The following ZNF529 variants were observed in gnomAD, a reference collection of about 807,000 sequenced individuals.
ZNF529 encodes the protein zinc finger protein 529.
A neutral mutation model predicts 10.1 loss-of-function variants in ZNF529; 11 were observed. That is an observed-to-expected ratio of 1.09 (90% CI 0.69 to 1.81). The LOEUF is 1.81. ZNF529 is among the 40% of genes most tolerant of loss of function. The probability of loss-of-function intolerance (pLI) is 0.00; values close to 1 mark genes in which losing one functional copy is unlikely to be tolerated. For synonymous variants in ZNF529, 204 were observed against 215.7 expected (o/e 0.95, Z 0.47); for missense variants, 624 against 666.8 (o/e 0.94, Z 0.71).
chr19:36,583,054 T>C (rs1354906044), intron 2 of ZNF529, among the ~76,000 whole-genome samples: 1 of 132,436 alleles, frequency 7.6e-6, no homozygotes, highest in Non-Finnish European at 1.7e-5. Flanking sequence ...AGTCTGTATC[T>C]AATTGTTTGT....
At position 36,572,934 on chromosome 19, in the gene ZNF529, CA is replaced by C. The variant is rs548238490; in HGVS notation, c.-47+205del. ...GAACAAACAAACAAACAAAAAAAAACAAAAAAACACTTCTACCCCGTTCACA... is the reference window on the plus strand; with the variant it reads ...GAACAAACAAACAAACAAAAAAAAACAAAAAACACTTCTACCCCGTTCACA... On this transcript the variant is annotated intron_variant, in intron 1 of 4. Transcript: ENST00000591340. 6.3e-4 allele frequency: 96 copies of C among 153,230 alleles called. No homozygotes were observed. The East Asian group carries it at 0.016, about 26-fold the overall frequency. 9.5% of individuals were successfully genotyped at this position (153,230 alleles called of 1,614,324 possible).
upstream of ZNF529, chr19:36,577,323 G>T: frequency 3.0e-6 from 1 of 333,020 alleles, no homozygotes; most frequent in Non-Finnish European, 6.1e-6. Context: ...GGAAGAGGGA[G>T]GTCCTCCCAT....
At position 36,547,483 on chromosome 19, in the gene ZNF529, T is replaced by C. The variant is rs772040211; in HGVS notation, c.1075A>G (p.Ile359Val). The C allele has an allele frequency of 1.5e-5, 24 of 1,613,332 alleles. No homozygotes were observed. Among genetic ancestry groups the C allele is most frequent in the South Asian group, 1.2e-4 (11 of 91,060 alleles). Residue 359 changes from isoleucine (I) to valine (V), a missense_variant, in exon 5 of 5, where the codon ATT becomes GTT. Ile to Val is a conservative substitution (Grantham distance 29, BLOSUM62 3). Transcript: ENST00000591340. ...GCATAAGGTTTCTCACCAGTGTGAA[T>C]TCTCTGATGTTCAATGAGCTGTGAA... is the stretch of plus-strand genomic sequence containing the variant. ...ISSQLIEHQR[I>V]HTGEKPYACK...
chr19:36,577,038 G>A (rs1226319441), upstream of ZNF529: 1 of 332,234 alleles, frequency 3.0e-6, no homozygotes, highest in Non-Finnish European at 6.1e-6. Flanking sequence ...CTGCAGCCTC[G>A]ACCTCTTAGG....
Position 36,563,422 on chromosome 19 carries a change from CA to C in ZNF529, c.15-7226del, listed in dbSNP as rs34934234. ...TGGGCAACAGAATGAGATTGTGTCT[CA>C]AAAAAAAAAAAAAGTTGTCTATGGG... On this transcript the variant is annotated intron_variant, in intron 2 of 4. Transcript: ENST00000591340. Among the ~76,000 whole-genome samples, 976 of 129,556 alleles carry C rather than the reference CA, an allele frequency of 7.5e-3. 1 individual carries two copies. The highest frequency in any genetic ancestry group is 9.5e-3 in the Non-Finnish European group (570 of 59,820). 85.0% of individuals were successfully genotyped at this position (129,556 alleles called of 152,430 possible).
chr19:36,596,159 G>T (rs889698991), intron 1 of ZNF529, among the ~76,000 whole-genome samples: 2 of 144,022 alleles, frequency 1.4e-5, no homozygotes, highest in Admixed American at 7.4e-5. Flanking sequence ...TCTGCCTCCT[G>T]GGTTCAAGAA....
At chr19:36,563,551 T>G (rs562004074) in intron 2 of ZNF529, among the ~76,000 whole-genome samples, 1 of 152,136 alleles carries the variant, frequency 6.6e-6, no homozygotes, top group African/African-American at 2.4e-5. Flanking sequence ...CAATTGCCAC[T>G]AAAAGAATAA....
chr19:36,560,783 G>A (rs913949451), intron 2 of ZNF529, among the ~76,000 whole-genome samples: 2 of 152,144 alleles, frequency 1.3e-5, no homozygotes, highest in Non-Finnish European at 2.9e-5. Context: ...TCTGAAGTAA[G>A]ATATTTGGCA....
chr19:36,566,722 A>T (rs1217964830), intron 2 of ZNF529, among the ~76,000 whole-genome samples: 1 of 152,128 alleles, frequency 6.6e-6, no homozygotes. Flanking sequence ...TGTCTCAAAA[A>T]AATAATAAAA....
At chr19:36,549,433 G>GAA (rs1180516709) in intron 4 of ZNF529, among the ~76,000 whole-genome samples, 3 of 152,064 alleles carry the variant, frequency 2.0e-5, no homozygotes, top group African/African-American at 7.2e-5. Flanking sequence ...AAAAATAAAA[G>GAA]TATATATACA....
At chr19:36,587,634 A>ATTAC (rs1168626787) in intron 2 of ZNF529, among the ~76,000 whole-genome samples, 2 of 152,228 alleles carry the variant, frequency 1.3e-5, no homozygotes, top group African/African-American at 2.4e-5. Flanking sequence ...TGAATGGGTA[A>ATTAC]GCAAGATGTC....
intron 2 of ZNF529, among the ~76,000 whole-genome samples, chr19:36,585,308 A>G (rs929766188): frequency 7.2e-5 from 11 of 152,232 alleles, no homozygotes; most frequent in Admixed American, 3.9e-4. Context: ...TGATAGAGAA[A>G]TGAGCTGCCT....
intron 2 of ZNF529, among the ~76,000 whole-genome samples, chr19:36,558,519 G>A (rs2035564480): frequency 6.6e-6 from 1 of 152,024 alleles, no homozygotes; most frequent in African/African-American, 2.4e-5. Flanking sequence ...AGAAGGCAGT[G>A]GGATGATATA....
At chr19:36,552,515 T>C (rs575595407) in intron 4 of ZNF529, among the ~76,000 whole-genome samples, 79 of 152,274 alleles carry the variant, frequency 5.2e-4, no homozygotes, top group Non-Finnish European at 1.0e-3. Flanking sequence ...CCCAACAGAA[T>C]CACAGGGGCT....
At chr19:36,588,694 A>G (rs1029479854) in intron 2 of ZNF529, among the ~76,000 whole-genome samples, 8 of 152,206 alleles carry the variant, frequency 5.3e-5, no homozygotes, top group Admixed American at 2.6e-4. Flanking sequence ...AGATCCATCC[A>G]TTGTGGATCA....
chr19:36,584,811 C>CT (rs956540744), intron 2 of ZNF529, among the ~76,000 whole-genome samples: 2 of 151,542 alleles, frequency 1.3e-5, no homozygotes, highest in African/African-American at 4.8e-5. Flanking sequence ...ATTCTAAGGT[C>CT]TTTTTTATTG....
chr19:36,574,850 G>A (rs551219769), upstream of ZNF529: 2 of 471,198 alleles, frequency 4.2e-6, no homozygotes, highest in South Asian at 1.5e-5. Context: ...AAGCTGGCAC[G>A]TTTCCATTTC....
intron 1 of ZNF529, among the ~76,000 whole-genome samples, chr19:36,595,708 AAAAC>A (rs1314773972): frequency 6.6e-6 from 1 of 152,188 alleles, no homozygotes; most frequent in Admixed American, 6.5e-5. Flanking sequence ...CAAAAAACAA[AAAAC>A]AAAGAGGGCA....
rs2035009782 is a variant in ZNF529 at position 36,546,147 on chromosome 19, T to C, written c.*719A>G. The C allele has an allele frequency of 6.6e-6, 1 of 150,732 alleles. No individual in the cohort carries two copies. The highest frequency in any genetic ancestry group is 2.4e-5 in the African/African-American group (1 of 41,114). 9.3% of individuals were successfully genotyped at this position (150,732 alleles called of 1,614,324 possible). A position where few individuals can be genotyped will look rare whatever the true frequency, so the allele number is the denominator to read the frequency against. The stretch of plus-strand genomic sequence containing the variant: ...TCACACACATATACATCACACACTA[T>C]ATACACACATATAGTATATGTGATA... On this transcript the variant is annotated 3_prime_UTR_variant, in exon 5 of 5. Transcript: ENST00000591340.
Sources: gnomAD v4.1 joint callset for allele counts (sites outside exome capture counted in the v4.1 genomes callset) on GRCh38, gnomAD v4.1.1 for gene constraint, MANE v1.5 for transcripts, NCBI Gene and HGNC (gene_info 2026-07-23, HGNC 2026-07-21) for gene names.